XKR4: variants seen among roughly 807,000 people sequenced by gnomAD.
XKR4 encodes XK-related protein 4.
In XKR4, 12 loss-of-function variants were observed where a neutral mutation model predicts 53.9. That is an observed-to-expected ratio of 0.22 (90% confidence interval 0.14 to 0.36). The LOEUF (loss-of-function observed/expected upper bound fraction) is 0.36, where lower values mean the gene tolerates loss of function less well. XKR4 is among the 10% of genes least tolerant of loss of function. The pLI is 1.00. For missense variants in XKR4, 799 were observed against 859.5 expected (o/e 0.93, Z 0.88); for synonymous variants, 354 against 362.4 (o/e 0.98, Z 0.26).
At chr8:55,150,739 A>G (rs1202045864) in intron 1 of XKR4, among the ~76,000 whole-genome samples, 1 of 152,118 alleles carries the variant, frequency 6.6e-6, no homozygotes, top group African/African-American at 2.4e-5. Flanking sequence ...TGTCACAGCC[A>G]TTTATGTGTT....
At chr8:55,477,669 A>T (rs1806020081) in intron 2 of XKR4, among the ~76,000 whole-genome samples, 1 of 151,262 alleles carries the variant, frequency 6.6e-6, no homozygotes, top group African/African-American at 2.5e-5. Context: ...AAAAAATTAG[A>T]TGAATGGATA....
At chr8:55,504,731 T>C (rs1022132613) in intron 2 of XKR4, among the ~76,000 whole-genome samples, 26 of 152,326 alleles carry the variant, frequency 1.7e-4, no homozygotes, top group African/African-American at 5.5e-4. Context: ...TGTTATCTCC[T>C]TACTAGTGAT....
At chr8:55,369,274 G>A (rs984039643) in intron 2 of XKR4, among the ~76,000 whole-genome samples, 7 of 150,548 alleles carry the variant, frequency 4.6e-5, no homozygotes, top group Non-Finnish European at 1.0e-4. Flanking sequence ...AAGGTGGGAG[G>A]ATCCCTTGAA....
At chr8:55,200,270 G>A (rs1397863042) in intron 1 of XKR4, among the ~76,000 whole-genome samples, 1 of 152,134 alleles carries the variant, frequency 6.6e-6, no homozygotes, top group Non-Finnish European at 1.5e-5. Context: ...GTTTCACCAT[G>A]TTGGCCAGGC....
At chr8:55,422,696 T>C (rs985617120) in intron 2 of XKR4, among the ~76,000 whole-genome samples, 1 of 152,146 alleles carries the variant, frequency 6.6e-6, no homozygotes, top group Non-Finnish European at 1.5e-5. Flanking sequence ...ACTTTGGGGA[T>C]AGCATGAGAA....
chr8:55,154,706 C>T (rs551007689), intron 1 of XKR4, among the ~76,000 whole-genome samples: 41 of 152,226 alleles, frequency 2.7e-4, no homozygotes, highest in African/African-American at 9.1e-4. Context: ...TTATCACAAC[C>T]CTGCACTTTA....
intron 2 of XKR4, among the ~76,000 whole-genome samples, chr8:55,392,829 G>T (rs956664957): frequency 6.6e-6 from 1 of 152,040 alleles, no homozygotes; most frequent in Non-Finnish European, 1.5e-5. Flanking sequence ...ACAAGGAAAA[G>T]TTCAAAAGAG....
rs1449076554 is a variant in XKR4, at chr8:55,533,836, T to A, written c.*9609T>A. ...CGTAGTACCATGACGTGCACAGGCCTGAAGAGAAATACCTCTGTGAAGTGG... is the reference window on the plus strand; with the variant it reads ...CGTAGTACCATGACGTGCACAGGCCAGAAGAGAAATACCTCTGTGAAGTGG... On this transcript the variant is annotated 3_prime_UTR_variant, in exon 3 of 3. Coordinates refer to ENST00000327381, the MANE Select transcript of XKR4 (RefSeq NM_052898.2). 2.0e-5 allele frequency: 3 copies of A among 152,210 alleles called. No individual in the cohort carries two copies. Among genetic ancestry groups the A allele is most frequent in the Non-Finnish European group, 4.4e-5 (3 of 68,040 alleles). 9.4% of individuals were successfully genotyped at this position (152,210 alleles called of 1,614,324 possible).
At chr8:55,197,049 C>T (rs1377896937) in intron 1 of XKR4, among the ~76,000 whole-genome samples, 1 of 152,138 alleles carries the variant, frequency 6.6e-6, no homozygotes, top group African/African-American at 2.4e-5. Context: ...AAAAACAATT[C>T]ATATTCCCTT....
chr8:55,452,388 G>A (rs1358709625), intron 2 of XKR4: 2 of 629,700 alleles, frequency 3.2e-6, no homozygotes, highest in Non-Finnish European at 5.8e-6. Flanking sequence ...GACCCGGTAC[G>A]TAGTGAGGAA....
At chr8:55,256,086 GGAGCTGAAGGAT>G (rs929770883) in intron 1 of XKR4, among the ~76,000 whole-genome samples, 23 of 151,806 alleles carry the variant, frequency 1.5e-4, no homozygotes, top group African/African-American at 4.6e-4. Flanking sequence ...ATAGCTCAGG[GGAGCTGAAGGAT>G]GAGCTGAGGC....
intron 2 of XKR4, among the ~76,000 whole-genome samples, chr8:55,474,319 T>G (rs1230422280): frequency 6.6e-6 from 1 of 152,170 alleles, no homozygotes; most frequent in Admixed American, 6.5e-5. Context: ...ATTTTTATAG[T>G]TGTGACTAAA....
intron 2 of XKR4, among the ~76,000 whole-genome samples, chr8:55,449,003 A>G (rs1805383311): frequency 6.6e-6 from 1 of 152,060 alleles, no homozygotes; most frequent in Non-Finnish European, 1.5e-5. Context: ...CTAAAATCCA[A>G]TGTTATGACT....
At chr8:55,117,755 G>A (rs1816330997) in intron 1 of XKR4, among the ~76,000 whole-genome samples, 2 of 152,090 alleles carry the variant, frequency 1.3e-5, no homozygotes, top group South Asian at 4.2e-4. Context: ...ACTATTCCAA[G>A]GTTAATCCAA....
chr8:55,481,070 A>G (rs1470800798), intron 2 of XKR4, among the ~76,000 whole-genome samples: 1 of 152,190 alleles, frequency 6.6e-6, no homozygotes, highest in Admixed American at 6.5e-5. Flanking sequence ...TATGGAACCA[A>G]AAAAGAGCCC....
At chr8:55,506,251 A>T (rs1806525361) in intron 2 of XKR4, among the ~76,000 whole-genome samples, 1 of 152,240 alleles carries the variant, frequency 6.6e-6, no homozygotes, top group Admixed American at 6.5e-5. Context: ...TGGGTGATGT[A>T]AGGAGAGGAC....
chr8:55,263,151 T>G (rs771061369), intron 1 of XKR4, among the ~76,000 whole-genome samples: 1 of 152,152 alleles, frequency 6.6e-6, no homozygotes, highest in Non-Finnish European at 1.5e-5. Context: ...CCAGGAGTGA[T>G]CTCCTTAAAA....
intron 2 of XKR4, among the ~76,000 whole-genome samples, chr8:55,477,537 T>C (rs1806017442): frequency 6.6e-6 from 1 of 151,976 alleles, no homozygotes; most frequent in African/African-American, 2.4e-5. Flanking sequence ...TCACTAGCAA[T>C]GGAACAAAGC....
intron 2 of XKR4, among the ~76,000 whole-genome samples, chr8:55,430,603 T>G (rs1284877172): frequency 6.6e-6 from 1 of 152,204 alleles, no homozygotes; most frequent in African/African-American, 2.4e-5. Context: ...ACTCCAGCTG[T>G]GCTATCCTAC....
Sources: allele counts gnomAD v4.1 joint callset (sites outside exome capture counted in the v4.1 genomes callset), GRCh38; gene constraint gnomAD v4.1.1; transcripts MANE v1.5; gene names NCBI Gene and HGNC (gene_info 2026-07-23, HGNC 2026-07-21).